ATG5: variants seen among roughly 807,000 people sequenced by gnomAD.
ATG5 encodes autophagy related 5, also known as autophagy protein 5.
Under a neutral mutation model 36.5 loss-of-function variants are expected in ATG5, and 14 were observed. The observed-to-expected ratio is 0.38, with a 90% CI of 0.25 to 0.60. The LOEUF is 0.60. ATG5 is among the 20% of genes least tolerant of loss of function. The pLI is 0.60. For missense variants in ATG5, 195 were observed against 326.7 expected, an observed-to-expected ratio of 0.60 and a Z score of 3.11; for synonymous variants, 95 against 101.5, an observed-to-expected ratio of 0.94 and a Z score of 0.38.
At chr6:106,304,320 G>A (rs1442059875) in intron 3 of ATG5, 1 of 152,022 alleles carries the variant, frequency 6.6e-6, no homozygotes, top group African/African-American at 2.4e-5. Context: ...GGAACATTCA[G>A]AAAACAAAAT....
At chr6:106,286,982 A>G (rs1467918896) in intron 4 of ATG5, among the ~76,000 whole-genome samples, 3 of 152,224 alleles carry the variant, frequency 2.0e-5, no homozygotes, top group Non-Finnish European at 4.4e-5. Flanking sequence ...TATGCCCAGA[A>G]TCCTGACCCA....
intron 5 of ATG5, among the ~76,000 whole-genome samples, chr6:106,267,407 T>C (rs553625423): frequency 1.5e-4 from 23 of 152,272 alleles, no homozygotes; most frequent in African/African-American, 5.5e-4. Flanking sequence ...AAAATGGCCA[T>C]ACTGCCCAAA....
At chr6:106,204,385 G>A (rs937151800) in intron 6 of ATG5, among the ~76,000 whole-genome samples, 2 of 152,102 alleles carry the variant, frequency 1.3e-5, no homozygotes, top group South Asian at 2.1e-4. Flanking sequence ...TATGAAAATT[G>A]TAATTTTTAA....
intron 6 of ATG5, among the ~76,000 whole-genome samples, chr6:106,235,668 T>A (rs1777872120): frequency 6.6e-6 from 1 of 152,056 alleles, no homozygotes; most frequent in African/African-American, 2.4e-5. Context: ...AAATAGCCAA[T>A]CATCTATCGC....
At chr6:106,213,625 A>T (rs917379467) in intron 6 of ATG5, among the ~76,000 whole-genome samples, 1 of 152,158 alleles carries the variant, frequency 6.6e-6, no homozygotes, top group African/African-American at 2.4e-5. Context: ...GTGGATAAGG[A>T]GAGAAAAGTG....
chr6:106,301,632 C>G (rs1770210565), intron 3 of ATG5, among the ~76,000 whole-genome samples: 1 of 151,956 alleles, frequency 6.6e-6, no homozygotes, highest in South Asian at 2.1e-4. Context: ...GAAAAATGAT[C>G]CAAAATCTGA....
intron 5 of ATG5, among the ~76,000 whole-genome samples, chr6:106,251,837 AT>A (rs971159744): frequency 6.6e-6 from 1 of 151,492 alleles, no homozygotes. Flanking sequence ...TTCACAATGG[AT>A]TTTTTTGTTC....
At chr6:106,241,506 T>C (rs73775397) in intron 6 of ATG5, among the ~76,000 whole-genome samples, 3 of 152,182 alleles carry the variant, frequency 2.0e-5, no homozygotes, top group Non-Finnish European at 4.4e-5. Context: ...ATACCCCAAA[T>C]AACTGAAAAC....
At chr6:106,315,578 A>G (rs945739713) in intron 2 of ATG5, among the ~76,000 whole-genome samples, 1 of 152,048 alleles carries the variant, frequency 6.6e-6, no homozygotes, top group Non-Finnish European at 1.5e-5. Context: ...ATTAGCTCAC[A>G]TATAACATAC....
intron 1 of ATG5, among the ~76,000 whole-genome samples, chr6:106,318,897 A>T: frequency 6.6e-6 from 1 of 152,240 alleles, no homozygotes; most frequent in East Asian, 1.9e-4. Flanking sequence ...AAAATTGGGG[A>T]TACATGAATA....
intron 5 of ATG5, among the ~76,000 whole-genome samples, chr6:106,255,425 A>G (rs1303236425): frequency 1.3e-5 from 2 of 152,174 alleles, no homozygotes; most frequent in Admixed American, 1.3e-4. Flanking sequence ...GTAAATCGTT[A>G]AAAACTACTG....
intron 6 of ATG5, among the ~76,000 whole-genome samples, chr6:106,243,240 T>A (rs1237823977): frequency 6.6e-6 from 1 of 152,152 alleles, no homozygotes; most frequent in East Asian, 1.9e-4. Context: ...AATGAACAAC[T>A]TTACATTCAA....
At chr6:106,224,295 A>C (rs1777361621) in intron 6 of ATG5, among the ~76,000 whole-genome samples, 2 of 152,224 alleles carry the variant, frequency 1.3e-5, no homozygotes, top group South Asian at 4.1e-4. Flanking sequence ...CAGGTAGAAA[A>C]ATCTAAGAAC....
At chr6:106,284,014 T>A (rs1779981911) in intron 4 of ATG5, among the ~76,000 whole-genome samples, 1 of 152,236 alleles carries the variant, frequency 6.6e-6, no homozygotes, top group South Asian at 2.1e-4. Context: ...TCACTCCTTT[T>A]CATGACCAAA....
intron 5 of ATG5, among the ~76,000 whole-genome samples, chr6:106,275,267 T>G (rs1258784457): frequency 6.6e-6 from 1 of 152,238 alleles, no homozygotes; most frequent in East Asian, 1.9e-4. Flanking sequence ...CCAAAATATA[T>G]TTTCTACAAG....
At chr6:106,246,430 A>ACACACACC (rs1475760754) in intron 6 of ATG5, among the ~76,000 whole-genome samples, 3 of 130,662 alleles carry the variant, frequency 2.3e-5, no homozygotes, top group African/African-American at 8.5e-5. Context: ...ACACACACAC[A>ACACACACC]CCCTTTCTCT....
chr6:106,224,325 G>C (rs529225730), intron 6 of ATG5, among the ~76,000 whole-genome samples: 1 of 152,346 alleles, frequency 6.6e-6, no homozygotes, highest in South Asian at 2.1e-4. Context: ...AGTTCATCTA[G>C]AAGATAAAGG....
intron 6 of ATG5, among the ~76,000 whole-genome samples, chr6:106,247,848 A>AT (rs1778407104): frequency 6.6e-6 from 1 of 152,184 alleles, no homozygotes; most frequent in South Asian, 2.1e-4. Flanking sequence ...AGGTGAATCA[A>AT]TTTTTCACCA....
chr6:106,316,481 T>C (rs1770855199), intron 1 of ATG5, among the ~76,000 whole-genome samples: 1 of 152,042 alleles, frequency 6.6e-6, no homozygotes, highest in Non-Finnish European at 1.5e-5. Flanking sequence ...CAGATCAAAA[T>C]TACATATGCC....
Sources: gnomAD v4.1 joint callset for allele counts (sites outside exome capture counted in the v4.1 genomes callset) on GRCh38, gnomAD v4.1.1 for gene constraint, MANE v1.5 for transcripts, NCBI Gene and HGNC (gene_info 2026-07-23, HGNC 2026-07-21) for gene names.